PCBD2: variants seen among roughly 807,000 people sequenced by gnomAD.
The protein encoded by PCBD2 is pterin-4-alpha-carbinolamine dehydratase 2.
A neutral mutation model predicts 16.4 loss-of-function variants in PCBD2; 12 were observed. That is an observed-to-expected ratio of 0.73 (90% CI 0.47 to 1.19). The LOEUF (loss-of-function observed/expected upper bound fraction) is 1.19. PCBD2 is among the 50% of genes most tolerant of loss of function. The pLI, the probability that PCBD2 is intolerant of heterozygous loss-of-function variation, is 0.00. For synonymous variants in PCBD2, 58 were observed against 61.8 expected, an observed-to-expected ratio of 0.94 and a Z score of 0.29; for missense variants, 138 against 156.8, an observed-to-expected ratio of 0.88 and a Z score of 0.64.
At chr5:134,925,092 G>A (rs1038862161) in intron 2 of PCBD2, 8 of 396,680 alleles carry the variant, frequency 2.0e-5, no homozygotes, top group African/African-American at 1.4e-4. Flanking sequence ...CGATTGTTAG[G>A]CGTTTAATGG....
intron 2 of PCBD2, chr5:134,924,273 A>G (rs1472206286): frequency 1.8e-5 from 7 of 393,554 alleles, no homozygotes; most frequent in Admixed American, 4.5e-5. Flanking sequence ...GGGAGGTTAC[A>G]TGGGTTTAAT....
rs1580873791 is a variant in PCBD2 at position 134,905,159 on chromosome 5, C to G, written c.20C>G (p.Ala7Gly). Reference sequence around the variant, plus strand: ...CGGCCAATGGCGGCGGTGCTCGGGGCGCTCGGGGCGACGCGGCGCTTGTTG... The same window carrying G: ...CGGCCAATGGCGGCGGTGCTCGGGGGGCTCGGGGCGACGCGGCGCTTGTTG... MAAVLGALGATRRLLAA... is the reference protein window; with the variant it reads MAAVLGGLGATRRLLAA... The change falls in exon 1 of 4, where the codon GCG becomes GGG. Residue 7 changes from alanine (A) to glycine (G), a missense_variant. Coordinates refer to ENST00000254908, the MANE Select transcript of PCBD2 (RefSeq NM_032151.5). The G allele has an allele frequency of 1.6e-6, 2 of 1,221,846 alleles. No individual in the cohort carries two copies. The highest frequency in any genetic ancestry group is 2.0e-6 in the Non-Finnish European group (2 of 981,984). 75.7% of individuals were successfully genotyped at this position (1,221,846 alleles called of 1,614,324 possible).
chr5:134,920,141 CA>C (rs1257836615), intron 2 of PCBD2, among the ~76,000 whole-genome samples: 4 of 152,182 alleles, frequency 2.6e-5, no homozygotes, highest in African/African-American at 9.7e-5. Flanking sequence ...CAAAACAAAG[CA>C]GTAATATTCT....
At chr5:134,936,394 G>T (rs1390557530) in intron 2 of PCBD2, among the ~76,000 whole-genome samples, 1 of 152,152 alleles carries the variant, frequency 6.6e-6, no homozygotes, top group Non-Finnish European at 1.5e-5. Flanking sequence ...CTCCTCAGTC[G>T]CACTGGACGC....
chr5:134,943,467 T>C (rs1473425929), intron 2 of PCBD2, among the ~76,000 whole-genome samples: 8 of 152,236 alleles, frequency 5.3e-5, no homozygotes, highest in Admixed American at 5.2e-4. Flanking sequence ...TATTGCAGAT[T>C]TGTAATCTAT....
At chr5:134,908,368 T>C (rs980348714) in intron 1 of PCBD2, among the ~76,000 whole-genome samples, 3 of 151,830 alleles carry the variant, frequency 2.0e-5, no homozygotes, top group Non-Finnish European at 4.4e-5. Context: ...TTTTGTTTAA[T>C]TAAAAAGTAT....
At chr5:134,938,254 T>C (rs991918847) in intron 2 of PCBD2, among the ~76,000 whole-genome samples, 1 of 152,240 alleles carries the variant, frequency 6.6e-6, no homozygotes, top group Non-Finnish European at 1.5e-5. Context: ...AGATCCGTCA[T>C]TGTTGCCATC....
chr5:134,929,024 G>C (rs1751058615), intron 2 of PCBD2, among the ~76,000 whole-genome samples: 2 of 152,166 alleles, frequency 1.3e-5, no homozygotes, highest in African/African-American at 4.8e-5. Context: ...TGAGGTCTGG[G>C]TTGGAGATAA....
At chr5:134,907,850 C>T (rs1750715847) in intron 1 of PCBD2, among the ~76,000 whole-genome samples, 1 of 151,478 alleles carries the variant, frequency 6.6e-6, no homozygotes, top group South Asian at 2.1e-4. Flanking sequence ...TCTTGAACTC[C>T]TGCCCTCGTG....
chr5:134,915,555 A>G (rs1343672368), intron 2 of PCBD2, among the ~76,000 whole-genome samples: 1 of 146,418 alleles, frequency 6.8e-6, no homozygotes, highest in Admixed American at 7.1e-5. Flanking sequence ...TCAGGCGATC[A>G]TCCCACCTCA....
chr5:134,950,677 A>G (rs1751348795), intron 2 of PCBD2, among the ~76,000 whole-genome samples: 1 of 152,190 alleles, frequency 6.6e-6, no homozygotes, highest in Non-Finnish European at 1.5e-5. Context: ...CATTGGCCCA[A>G]TTTACTGTGA....
intron 2 of PCBD2, among the ~76,000 whole-genome samples, chr5:134,920,503 A>T (rs1303355966): frequency 6.6e-6 from 1 of 152,252 alleles, no homozygotes; most frequent in Non-Finnish European, 1.5e-5. Context: ...AGCTGAAACA[A>T]ACAAAGCTGT....
chr5:134,912,524 C>A (rs1750781449), intron 2 of PCBD2, among the ~76,000 whole-genome samples: 1 of 152,074 alleles, frequency 6.6e-6, no homozygotes. Flanking sequence ...AGGAAATGGG[C>A]AACTCTGTCA....
intron 2 of PCBD2, among the ~76,000 whole-genome samples, chr5:134,945,770 A>C (rs1751288774): frequency 6.6e-6 from 1 of 152,170 alleles, no homozygotes; most frequent in Non-Finnish European, 1.5e-5. Flanking sequence ...TGTCCCAAAG[A>C]AGCACATTTT....
intron 2 of PCBD2, chr5:134,923,446 C>T (rs769397362): frequency 1.3e-5 from 3 of 232,672 alleles, no homozygotes; most frequent in Admixed American, 5.7e-5. Context: ...GATCCTGTTT[C>T]GTGTAGGAAT....
chr5:134,909,594 A>C (rs911591572), intron 1 of PCBD2, among the ~76,000 whole-genome samples: 1 of 152,132 alleles, frequency 6.6e-6, no homozygotes, highest in Non-Finnish European at 1.5e-5. Flanking sequence ...CTTATTAGAG[A>C]TATAACAGAG....
chr5:134,918,687 A>G (rs924141589), intron 2 of PCBD2, among the ~76,000 whole-genome samples: 6 of 152,180 alleles, frequency 3.9e-5, no homozygotes, highest in African/African-American at 4.8e-5. Flanking sequence ...AAGTGTTCAT[A>G]GTTTTCATTG....
intron 2 of PCBD2, chr5:134,926,687 G>T (rs1751002976): frequency 5.0e-6 from 2 of 396,990 alleles, no homozygotes; most frequent in Non-Finnish European, 8.9e-6. Context: ...TGATATCGGG[G>T]TTGAGGGATA....
intron 2 of PCBD2, among the ~76,000 whole-genome samples, chr5:134,916,016 C>T (rs957227460): frequency 3.9e-5 from 6 of 152,090 alleles, no homozygotes; most frequent in Admixed American, 6.5e-5. Flanking sequence ...GGGCCAGGCA[C>T]GATGGCTCAC....
Sources: allele counts gnomAD v4.1 joint callset (sites outside exome capture counted in the v4.1 genomes callset), GRCh38; gene constraint gnomAD v4.1.1; transcripts MANE v1.5; gene names NCBI Gene and HGNC (gene_info 2026-07-23, HGNC 2026-07-21).